The following SLC9A9 variants were observed in gnomAD, a reference collection of about 807,000 sequenced individuals.
SLC9A9 encodes the protein sodium/hydrogen exchanger 9.
SLC9A9 carries 62 observed loss-of-function variants against 77.8 expected under a neutral mutation model. The observed-to-expected ratio is 0.80, with a 90% confidence interval of 0.65 to 0.98. The LOEUF (loss-of-function observed/expected upper bound fraction) is 0.98. Ranked by LOEUF, SLC9A9 falls within the 50% of genes least tolerant of loss-of-function variation. SLC9A9 has a pLI of 0.00. For missense variants in SLC9A9, 775 were observed against 774.9 expected (o/e 1.00, Z 0.00); for synonymous variants, 320 against 283.5 (o/e 1.13, Z -1.29).
intron 6 of SLC9A9, among the ~76,000 whole-genome samples, chr3:143,633,366 G>A (rs761188649): frequency 2.0e-5 from 3 of 152,168 alleles, no homozygotes; most frequent in South Asian, 2.1e-4. Context: ...ACATTTATAT[G>A]CATTGCTATA....
intron 9 of SLC9A9, among the ~76,000 whole-genome samples, chr3:143,548,597 G>C (rs796688989): frequency 6.6e-5 from 10 of 152,274 alleles, no homozygotes; most frequent in African/African-American, 2.4e-4. Context: ...CTCTTTAATA[G>C]GATGCTTTGG....
At position 143,848,260 on chromosome 3, in the gene SLC9A9, C is replaced by A; in HGVS notation, c.63G>T (p.Ala21=). ...KDEYQFQHQG[A]VELLVFNFLL... ...AAAAATTGAAGACAAGCAGCTCCAC[C>A]GCTCCCTGATGTTGAAACTGATACT... The change falls in exon 1 of 16, where the codon GCG becomes GCT. Residue 21 remains alanine (A), a synonymous_variant. Transcript: ENST00000316549. 2 of 1,613,946 alleles carry A rather than the reference C, an allele frequency of 1.2e-6. No homozygotes were observed. The highest frequency in any genetic ancestry group is 1.7e-6 in the Non-Finnish European group (2 of 1,179,930).
intron 9 of SLC9A9, among the ~76,000 whole-genome samples, chr3:143,551,993 C>T (rs2036896234): frequency 6.6e-6 from 1 of 152,186 alleles, no homozygotes; most frequent in Non-Finnish European, 1.5e-5. Context: ...GACCAAACCT[C>T]ACTTCCTTCT....
chr3:143,825,765 A>G (rs1226759142), intron 2 of SLC9A9, among the ~76,000 whole-genome samples: 1 of 152,212 alleles, frequency 6.6e-6, no homozygotes, highest in African/African-American at 2.4e-5. Context: ...TTTGCATTAC[A>G]GTCAACTTAT....
intron 6 of SLC9A9, among the ~76,000 whole-genome samples, chr3:143,585,743 C>T (rs1332128362): frequency 6.6e-6 from 1 of 152,216 alleles, no homozygotes; most frequent in Non-Finnish European, 1.5e-5. Flanking sequence ...GCTTACCCCA[C>T]ATACTCTCAA....
chr3:143,595,245 ATCATATTTCTTTTGGCT>A (rs200801302), intron 6 of SLC9A9, among the ~76,000 whole-genome samples: 73 of 152,318 alleles, frequency 4.8e-4, no homozygotes, highest in Admixed American at 2.7e-3. Flanking sequence ...CTCCCACAAA[ATCATATTTCTTTTGGCT>A]TCAGAGTTCA....
At chr3:143,513,801 A>G (rs1016824151) in intron 9 of SLC9A9, among the ~76,000 whole-genome samples, 1 of 152,234 alleles carries the variant, frequency 6.6e-6, no homozygotes. Flanking sequence ...TTGGGTGACC[A>G]GGTGCATTGT....
In SLC9A9 at chr3:143,406,186, C is replaced by T. The variant is rs185018544; in HGVS notation, c.1470-24072G>A. On this transcript the variant is annotated intron_variant, in intron 12 of 15. Transcript: ENST00000316549. ...TTTGGGGTTTCTCTTTTGAGTAGTTCTACTTGTAAGTAAGTATTGATATTT... is the reference window on the plus strand; with the variant it reads ...TTTGGGGTTTCTCTTTTGAGTAGTTTTACTTGTAAGTAAGTATTGATATTT... Among the ~76,000 whole-genome samples the T allele has an allele frequency of 4.0e-3, 607 of 152,208 alleles. 5 individuals carry two copies. The highest frequency in any genetic ancestry group is 0.037 in the Middle Eastern group (11 of 294).
intron 4 of SLC9A9, among the ~76,000 whole-genome samples, chr3:143,700,842 T>C (rs896690916): frequency 1.3e-5 from 2 of 152,242 alleles, no homozygotes; most frequent in Non-Finnish European, 2.9e-5. Flanking sequence ...ACAGCAGGCC[T>C]TGGGCAAGAC....
At chr3:143,461,487 T>A (rs1011495433) in intron 12 of SLC9A9, among the ~76,000 whole-genome samples, 2 of 152,200 alleles carry the variant, frequency 1.3e-5, no homozygotes, top group African/African-American at 4.8e-5. Context: ...ATAGCAATAT[T>A]TGTTGAGCAC....
At chr3:143,704,644 T>A (rs1251293910) in intron 4 of SLC9A9, among the ~76,000 whole-genome samples, 3 of 152,156 alleles carry the variant, frequency 2.0e-5, no homozygotes, top group Non-Finnish European at 2.9e-5. Context: ...GCAGCGCTAC[T>A]CACAATAGCC....
chr3:143,653,075 A>C (rs1466599529), intron 5 of SLC9A9, among the ~76,000 whole-genome samples: 1 of 152,130 alleles, frequency 6.6e-6, no homozygotes, highest in African/African-American at 2.4e-5. Context: ...TAAATGAATA[A>C]ATGTTGTTGC....
chr3:143,534,027 A>T (rs1053603423), intron 9 of SLC9A9, among the ~76,000 whole-genome samples: 1 of 152,226 alleles, frequency 6.6e-6, no homozygotes, highest in African/African-American at 2.4e-5. Flanking sequence ...TGGGTATAAT[A>T]ATCACCTTGC....
chr3:143,806,077 C>T (rs1359664730), intron 2 of SLC9A9, among the ~76,000 whole-genome samples: 1 of 143,686 alleles, frequency 7.0e-6, no homozygotes, highest in Admixed American at 7.0e-5. Flanking sequence ...CCCCCCACCT[C>T]TTCCCACATC....
At chr3:143,487,196 C>G (rs1369960005) in intron 11 of SLC9A9, among the ~76,000 whole-genome samples, 1 of 141,462 alleles carries the variant, frequency 7.1e-6, no homozygotes, top group Non-Finnish European at 1.7e-5. Context: ...AATAAAAGTT[C>G]CAGTACTGCA....
chr3:143,534,999 C>T (rs2036570191), intron 9 of SLC9A9, among the ~76,000 whole-genome samples: 1 of 151,842 alleles, frequency 6.6e-6, no homozygotes, highest in Admixed American at 6.6e-5. Flanking sequence ...AAGGTTGAGG[C>T]CTTAAAAAAA....
chr3:143,518,786 G>A (rs2036246352), intron 9 of SLC9A9, among the ~76,000 whole-genome samples: 1 of 152,050 alleles, frequency 6.6e-6, no homozygotes, highest in South Asian at 2.1e-4. Context: ...TTCTATTGTT[G>A]ATGGACATTT....
At chr3:143,402,061 C>T (rs180675984) in intron 12 of SLC9A9, among the ~76,000 whole-genome samples, 1 of 152,146 alleles carries the variant, frequency 6.6e-6, no homozygotes, top group Admixed American at 6.5e-5. Context: ...AGTCTCAGAA[C>T]TGTAAGTGGA....
At chr3:143,387,962 T>C (rs1483217942) in intron 12 of SLC9A9, among the ~76,000 whole-genome samples, 2 of 152,164 alleles carry the variant, frequency 1.3e-5, no homozygotes, top group African/African-American at 4.8e-5. Context: ...ATTCCAATAG[T>C]CTTAGGTGCA....
Sources: allele counts gnomAD v4.1 joint callset (sites outside exome capture counted in the v4.1 genomes callset), GRCh38; gene constraint gnomAD v4.1.1; transcripts MANE v1.5; gene names NCBI Gene and HGNC (gene_info 2026-07-23, HGNC 2026-07-21).